Variants in TBC1D16 observed in about 807,000 individuals in gnomAD.
The protein encoded by TBC1D16 is TBC1 domain family member 16.
A neutral mutation model predicts 74.7 loss-of-function variants in TBC1D16; 58 were observed. That is an observed-to-expected ratio of 0.78 (90% CI 0.63 to 0.97). The LOEUF is 0.97. Ranked by LOEUF, TBC1D16 falls within the 50% of genes least tolerant of loss-of-function variation. The probability of loss-of-function intolerance (pLI) is 0.00; values close to 1 mark genes in which losing one functional copy is unlikely to be tolerated. For missense variants in TBC1D16, 1,014 were observed against 1,079.5 expected (o/e 0.94, Z 0.85); for synonymous variants, 493 against 474.7 (o/e 1.04, Z -0.50).
intron 3 of TBC1D16, among the ~76,000 whole-genome samples, chr17:79,955,640 G>A (rs1177643422): frequency 6.6e-6 from 1 of 152,134 alleles, no homozygotes; most frequent in African/African-American, 2.4e-5. Flanking sequence ...GGTTTTGCAG[G>A]CGATAACTCC....
rs2034541683 is a variant in TBC1D16 at position 79,980,659 on chromosome 17, G to T, written c.780-27841C>A. ...GCCAGAACCTTCTAGATTCTGAGCT[G>T]CTGGGCTTTGTGACATCCCACATGG... is the stretch of plus-strand genomic sequence containing the variant. On this transcript the variant is annotated intron_variant, in intron 3 of 11. Transcript: ENST00000310924. This position sits in a 1 kb window ranked among gnomAD's most constrained non-coding sequence, Gnocchi z 7.0. Among the ~76,000 whole-genome samples the T allele has an allele frequency of 6.6e-6, 1 of 152,230 alleles. No homozygotes were observed. Among genetic ancestry groups the T allele is most frequent in the African/African-American group, 2.4e-5 (1 of 41,460 alleles).
chr17:79,969,993 CAT>C (rs2034012270), intron 3 of TBC1D16, among the ~76,000 whole-genome samples: 2 of 152,270 alleles, frequency 1.3e-5, no homozygotes, highest in South Asian at 4.1e-4. Context: ...CATGTACACA[CAT>C]GTTCATAGTA....
intron 9 of TBC1D16, among the ~76,000 whole-genome samples, chr17:79,946,270 A>T (rs1028414091): frequency 3.9e-5 from 6 of 152,214 alleles, no homozygotes; most frequent in African/African-American, 1.2e-4. Flanking sequence ...CAGGCATTAG[A>T]TTCTCATAAG....
chr17:80,019,597 G>A (rs1008109976), intron 1 of TBC1D16, among the ~76,000 whole-genome samples: 1 of 149,870 alleles, frequency 6.7e-6, no homozygotes, highest in Non-Finnish European at 1.5e-5. Context: ...CTATTTCATC[G>A]AAATCCAACC....
chr17:79,972,383 G>A (rs1373101184), intron 3 of TBC1D16, among the ~76,000 whole-genome samples: 5 of 152,076 alleles, frequency 3.3e-5, no homozygotes, highest in African/African-American at 4.8e-5. Flanking sequence ...CACCATGTTG[G>A]CCACGCTGGT....
intron 1 of TBC1D16, among the ~76,000 whole-genome samples, chr17:80,028,864 G>A (rs776996116): frequency 7.9e-5 from 12 of 152,028 alleles, no homozygotes; most frequent in African/African-American, 2.4e-4. Flanking sequence ...CGCCTACCTC[G>A]ACCTCCCAAA....
At position 79,986,908 on chromosome 17, in the gene TBC1D16, C is replaced by T. The variant is rs1220651482; in HGVS notation, c.779+23252G>A. 3.3e-5 allele frequency among the ~76,000 whole-genome samples: 5 copies of T among 152,236 alleles called. No homozygotes were observed. The highest frequency in any genetic ancestry group is 2.1e-4 in the South Asian group (1 of 4,826). On this transcript the variant is annotated intron_variant, in intron 3 of 11. Coordinates refer to ENST00000310924, the MANE Select transcript of TBC1D16 (RefSeq NM_019020.4). The surrounding 1 kb of genome is among the most constrained non-coding windows in gnomAD (Gnocchi z 6.0). ...TGGACTGCGGTCAGCCGTCCCCTCG[C>T]GCCCTCCGGTCTCTGCTGCTGTGTT...
chr17:79,964,451 ATT>A (rs1005219470), intron 3 of TBC1D16, among the ~76,000 whole-genome samples: 13 of 151,906 alleles, frequency 8.6e-5, no homozygotes, highest in Non-Finnish European at 1.5e-4. Context: ...GGTCCAGTTT[ATT>A]TTTTTTATTG....
At chr17:80,018,016 T>A (rs1480805175) in intron 1 of TBC1D16, among the ~76,000 whole-genome samples, 1 of 152,188 alleles carries the variant, frequency 6.6e-6, no homozygotes, top group Non-Finnish European at 1.5e-5. Context: ...CTATGTTCTG[T>A]TCTAATGTTA....
Position 79,951,506 on chromosome 17 carries a change from G to A in TBC1D16, c.1033C>T (p.Leu345=). Residue 345 remains leucine (L), a synonymous_variant, in exon 5 of 12, where the codon CTG becomes TTG. Transcript: ENST00000310924. ...FHFHHGGLDK[L]SDVFQQWKYC... ...TTCCACTGCTGGAACACGTCAGACA[G>A]CTTGTCCAGGCCGCCGTGGTGGAAG... 1 of 1,614,134 alleles carries A rather than the reference G, an allele frequency of 6.2e-7. No individual in the cohort carries two copies. Among genetic ancestry groups the A allele is most frequent in the Non-Finnish European group, 8.5e-7 (1 of 1,180,010 alleles).
chr17:79,945,998 C>T (rs887312220), intron 9 of TBC1D16, among the ~76,000 whole-genome samples: 4 of 152,214 alleles, frequency 2.6e-5, no homozygotes, highest in Non-Finnish European at 4.4e-5. Context: ...CAAGCCCACT[C>T]GTGTGGCTGA....
intron 1 of TBC1D16, among the ~76,000 whole-genome samples, chr17:80,028,556 T>A (rs1445031764): frequency 6.6e-6 from 1 of 151,344 alleles, no homozygotes; most frequent in Admixed American, 6.6e-5. Flanking sequence ...AAAAGAATGA[T>A]TTTAGAAGGC....
chr17:79,974,758 T>C (rs1292342737), intron 3 of TBC1D16, among the ~76,000 whole-genome samples: 1 of 152,192 alleles, frequency 6.6e-6, no homozygotes, highest in East Asian at 1.9e-4. Context: ...TAGGGCTAGC[T>C]AACCCTGGGG....
At position 79,936,960 on chromosome 17, in the gene TBC1D16, TCTC is replaced by T. The variant is rs201232740; in HGVS notation, c.*3896_*3898del. 0.03 allele frequency: 4,515 copies of T among 150,432 alleles called. 97 individuals are homozygous for T. Among genetic ancestry groups the T allele is most frequent in the Non-Finnish European group, 0.04 (2,730 of 68,140 alleles). The allele number at this position is 150,432 out of a possible 1,614,324, so 9.3% of individuals were successfully genotyped here. ...TGTGTGCGCATTTTCCCAGGGGACCTCTCCTCCTTCCTCTGAGGCAAAGTGGCC... is the reference window on the plus strand; with the variant it reads ...TGTGTGCGCATTTTCCCAGGGGACCTCTCCTTCCTCTGAGGCAAAGTGGCC... On this transcript the variant is annotated 3_prime_UTR_variant, in exon 12 of 12. Transcript: ENST00000310924.
intron 1 of TBC1D16, among the ~76,000 whole-genome samples, chr17:80,020,064 C>T (rs2036232393): frequency 6.7e-6 from 1 of 149,468 alleles, no homozygotes. Flanking sequence ...TGCCTATATA[C>T]AAGGAGAGTG....
intron 3 of TBC1D16, among the ~76,000 whole-genome samples, chr17:79,970,804 G>C (rs906301407): frequency 6.9e-6 from 1 of 145,408 alleles, no homozygotes; most frequent in African/African-American, 2.6e-5. Context: ...AATAAGCTAA[G>C]CACATCAGAG....
intron 3 of TBC1D16, among the ~76,000 whole-genome samples, chr17:79,958,061 A>G (rs984737190): frequency 1.3e-5 from 2 of 152,192 alleles, no homozygotes; most frequent in Non-Finnish European, 2.9e-5. Context: ...GCCCAGGGTA[A>G]TGAAATAAAT....
At chr17:79,998,326 T>A (rs2035354117) in intron 3 of TBC1D16, among the ~76,000 whole-genome samples, 1 of 150,746 alleles carries the variant, frequency 6.6e-6, no homozygotes, top group Non-Finnish European at 1.5e-5. Context: ...CTTTTCAGAC[T>A]GGTGTTTTTT....
chr17:79,996,769 A>G (rs1459124554), intron 3 of TBC1D16, among the ~76,000 whole-genome samples: 1 of 152,158 alleles, frequency 6.6e-6, no homozygotes, highest in African/African-American at 2.4e-5. Context: ...CAATCAATCC[A>G]CATATGACTC....
Sources: allele counts gnomAD v4.1 joint callset (sites outside exome capture counted in the v4.1 genomes callset), GRCh38; gene constraint gnomAD v4.1.1; non-coding constraint Gnocchi (gnomAD v3.1); transcripts MANE v1.5; gene names NCBI Gene and HGNC (gene_info 2026-07-23, HGNC 2026-07-21).